Variants in NALF1 observed in about 807,000 individuals in gnomAD.
NALF1 encodes the protein NALCN channel auxiliary factor 1.
In NALF1, 3 loss-of-function variants were observed where a neutral mutation model predicts 48.4. The observed-to-expected ratio is 0.06, with a 90% CI of 0.03 to 0.16. NALF1 has a LOEUF of 0.16. Among genes scored for constraint, NALF1 ranks in the 10% least tolerant of loss-of-function variants. The probability of loss-of-function intolerance (pLI) is 1.00; values close to 1 mark genes in which losing one functional copy is unlikely to be tolerated. For synonymous variants in NALF1, 262 were observed against 245.7 expected (o/e 1.07, Z -0.62); for missense variants, 526 against 571.5 (o/e 0.92, Z 0.81).
chr13:107,814,114 A>C (rs1226235102), intron 1 of NALF1, among the ~76,000 whole-genome samples: 1 of 152,162 alleles, frequency 6.6e-6, no homozygotes, highest in Non-Finnish European at 1.5e-5. Context: ...TTTCAGGGGA[A>C]TATCTTGTGG....
chr13:107,818,741 G>A (rs941482584), intron 1 of NALF1, among the ~76,000 whole-genome samples: 12 of 144,470 alleles, frequency 8.3e-5, no homozygotes, highest in South Asian at 2.2e-4. Context: ...GCGTGGTAGC[G>A]GGCGCCTGTA....
intron 1 of NALF1, among the ~76,000 whole-genome samples, chr13:107,501,625 G>A (rs757130967): frequency 6.6e-6 from 1 of 152,158 alleles, no homozygotes; most frequent in African/African-American, 2.4e-5. Flanking sequence ...TATTTAAGGT[G>A]TCACTGATGG....
intron 1 of NALF1, among the ~76,000 whole-genome samples, chr13:107,567,698 C>A (rs1344721585): frequency 6.6e-6 from 1 of 152,160 alleles, no homozygotes; most frequent in Non-Finnish European, 1.5e-5. Context: ...ACAGGTGTAG[C>A]TTTGAGTAAC....
chr13:107,202,678 A>G (rs922280474), intron 2 of NALF1, among the ~76,000 whole-genome samples: 1 of 152,202 alleles, frequency 6.6e-6, no homozygotes, highest in Admixed American at 6.5e-5. Context: ...ATTCATTTTT[A>G]ATGTGACGTG....
chr13:107,423,770 CA>C (rs1164745443), intron 1 of NALF1, among the ~76,000 whole-genome samples: 2 of 152,006 alleles, frequency 1.3e-5, no homozygotes, highest in African/African-American at 2.4e-5. Flanking sequence ...TCTTGGAGAC[CA>C]AAAAGCATTT....
intron 1 of NALF1, among the ~76,000 whole-genome samples, chr13:107,405,538 G>A (rs890360581): frequency 6.6e-6 from 1 of 151,916 alleles, no homozygotes; most frequent in Non-Finnish European, 1.5e-5. Context: ...CTTTTCTTTT[G>A]AGCAGCTAAT....
intron 1 of NALF1, among the ~76,000 whole-genome samples, chr13:107,644,647 A>ATATATATATATATATATATATG (rs1491179451): frequency 2.4e-5 from 3 of 125,152 alleles, no homozygotes; most frequent in East Asian, 4.4e-4. Context: ...ACATACATAC[A>ATATATATATATATATATATATG]TATATATATA....
At chr13:107,591,122 G>GT (rs1375006946) in intron 1 of NALF1, among the ~76,000 whole-genome samples, 1 of 151,938 alleles carries the variant, frequency 6.6e-6, no homozygotes, top group Non-Finnish European at 1.5e-5. Flanking sequence ...AAAGATGAGA[G>GT]TAACAATAGA....
At chr13:107,428,901 T>C (rs1461372700) in intron 1 of NALF1, among the ~76,000 whole-genome samples, 3 of 152,210 alleles carry the variant, frequency 2.0e-5, no homozygotes, top group African/African-American at 7.2e-5. Context: ...AAGTGAATCA[T>C]TAGACAGTCA....
intron 1 of NALF1, among the ~76,000 whole-genome samples, chr13:107,312,393 A>C (rs939628726): frequency 3.3e-5 from 5 of 150,890 alleles, no homozygotes; most frequent in Non-Finnish European, 7.4e-5. Context: ...GGACACAGGA[A>C]GGGGAACATC....
chr13:107,799,106 G>A (rs1379230918), intron 1 of NALF1, among the ~76,000 whole-genome samples: 1 of 152,112 alleles, frequency 6.6e-6, no homozygotes, highest in Non-Finnish European at 1.5e-5. Context: ...CTTAAACACT[G>A]TATATCCACT....
At chr13:107,269,874 G>A (rs1881120301) in intron 1 of NALF1, among the ~76,000 whole-genome samples, 1 of 145,916 alleles carries the variant, frequency 6.9e-6, no homozygotes, top group Non-Finnish European at 1.5e-5. Context: ...CAGCCTTGGA[G>A]TAGCTGGGAC....
intron 1 of NALF1, among the ~76,000 whole-genome samples, chr13:107,702,870 A>G (rs1253155410): frequency 2.0e-5 from 3 of 152,174 alleles, no homozygotes; most frequent in Admixed American, 2.0e-4. Flanking sequence ...TGCAAAGGAC[A>G]TGATCTCCTT....
intron 1 of NALF1, among the ~76,000 whole-genome samples, chr13:107,810,975 G>T (rs1878971361): frequency 6.6e-6 from 1 of 151,922 alleles, no homozygotes; most frequent in South Asian, 2.1e-4. Flanking sequence ...CATAAATTAT[G>T]TATATATTAT....
chr13:107,679,438 T>C (rs1461606020), intron 1 of NALF1, among the ~76,000 whole-genome samples: 1 of 152,110 alleles, frequency 6.6e-6, no homozygotes, highest in Non-Finnish European at 1.5e-5. Context: ...TCCCGGGGGC[T>C]GGGTGAGGGA....
intron 1 of NALF1, among the ~76,000 whole-genome samples, chr13:107,643,748 C>G (rs1880228848): frequency 6.6e-6 from 1 of 151,950 alleles, no homozygotes; most frequent in Non-Finnish European, 1.5e-5. Context: ...TTTGCTGAAC[C>G]ACAGAGGAAG....
At chr13:107,514,133 T>C (rs1192359749) in intron 1 of NALF1, among the ~76,000 whole-genome samples, 2 of 152,230 alleles carry the variant, frequency 1.3e-5, no homozygotes, top group Non-Finnish European at 2.9e-5. Flanking sequence ...CTACGTAAGC[T>C]GGAATTCAAA....
At chr13:107,313,254 T>C (rs1439662072) in intron 1 of NALF1, among the ~76,000 whole-genome samples, 1 of 151,916 alleles carries the variant, frequency 6.6e-6, no homozygotes, top group Non-Finnish European at 1.5e-5. Context: ...CAGAAATGTA[T>C]TTTCCAGGAC....
chr13:107,369,956 T>C (rs1259776204), intron 1 of NALF1, among the ~76,000 whole-genome samples: 1 of 152,206 alleles, frequency 6.6e-6, no homozygotes, highest in Non-Finnish European at 1.5e-5. Flanking sequence ...AGAGCTATAA[T>C]GAATTTTTAT....
Sources: gnomAD v4.1 joint callset for allele counts (sites outside exome capture counted in the v4.1 genomes callset) on GRCh38, gnomAD v4.1.1 for gene constraint, MANE v1.5 for transcripts, NCBI Gene and HGNC (gene_info 2026-07-23, HGNC 2026-07-21) for gene names.